DISC1: variants seen among roughly 807,000 people sequenced by gnomAD.
The protein encoded by DISC1 is DISC1 scaffold protein, also known as disrupted in schizophrenia 1 protein.
Under a neutral mutation model 84.5 loss-of-function variants are expected in DISC1, and 57 were observed. That is an observed-to-expected ratio of 0.67 (90% confidence interval 0.55 to 0.84). DISC1 has a LOEUF of 0.84. DISC1 is among the 40% of genes least tolerant of loss of function. The pLI is 0.00. For missense variants in DISC1, 1,000 were observed against 1,057.8 expected (o/e 0.95, Z 0.76); for synonymous variants, 411 against 415.2 (o/e 0.99, Z 0.12).
chr1:231,984,474 T>C (rs1027515072), intron 10 of DISC1, among the ~76,000 whole-genome samples: 5 of 152,130 alleles, frequency 3.3e-5, no homozygotes, highest in African/African-American at 1.2e-4. Context: ...CTTGATAAAA[T>C]GTTCCTCATC....
chr1:231,709,944 T>C (rs2067601792), intron 3 of DISC1, among the ~76,000 whole-genome samples: 1 of 152,170 alleles, frequency 6.6e-6, no homozygotes, highest in South Asian at 2.1e-4. Flanking sequence ...GTTTTCTGCT[T>C]CTTCTGCCCT....
intron 1 of DISC1, among the ~76,000 whole-genome samples, chr1:231,688,173 C>T (rs765954028): frequency 5.3e-5 from 8 of 152,120 alleles, no homozygotes; most frequent in Non-Finnish European, 8.8e-5. Context: ...TATGTCAGTT[C>T]TAGAACCTTC....
At chr1:231,803,944 C>G (rs1281101099) in intron 8 of DISC1, among the ~76,000 whole-genome samples, 1 of 72,836 alleles carries the variant, frequency 1.4e-5, no homozygotes, top group Non-Finnish European at 2.5e-5. Context: ...AAGACTCCGT[C>G]TCAAAAAAAA....
chr1:231,641,684 C>A (rs189263234), intron 1 of DISC1, among the ~76,000 whole-genome samples: 1 of 152,200 alleles, frequency 6.6e-6, no homozygotes, highest in Non-Finnish European at 1.5e-5. Flanking sequence ...TTTGACAGGG[C>A]GCTGATTGGT....
At position 231,826,317 on chromosome 1, in the gene DISC1, A is replaced by G. The variant is rs779490857; in HGVS notation, c.1981+7800A>G. Reference sequence around the variant, plus strand: ...TTTGATTCCTAACGTCAGTCTCTCTATCCATCCCGCAACCTCATCACCCTA... The same window carrying G: ...TTTGATTCCTAACGTCAGTCTCTCTGTCCATCCCGCAACCTCATCACCCTA... On this transcript the variant is annotated intron_variant, in intron 9 of 12. Coordinates refer to ENST00000439617, the MANE Select transcript of DISC1 (RefSeq NM_018662.3). The surrounding 1 kb of genome is among the most constrained non-coding windows in gnomAD (Gnocchi z 4.2). Among the ~76,000 whole-genome samples the G allele has an allele frequency of 9.9e-5, 15 of 152,154 alleles. No individual in the cohort carries two copies. The highest frequency in any genetic ancestry group is 2.1e-4 in the Non-Finnish European group (14 of 68,022).
chr1:231,881,951 C>T (rs150973148), intron 9 of DISC1, among the ~76,000 whole-genome samples: 362 of 152,232 alleles, frequency 2.4e-3, no homozygotes, highest in African/African-American at 8.3e-3. Flanking sequence ...ATCTGAGACG[C>T]GGGAGCATAA....
At chr1:231,721,310 A>G (rs201986541) in intron 3 of DISC1, among the ~76,000 whole-genome samples, 26 of 152,230 alleles carry the variant, frequency 1.7e-4, no homozygotes, top group Non-Finnish European at 2.9e-4. Flanking sequence ...AAAAAGAAAA[A>G]AAGTTTTTAG....
At chr1:231,642,168 C>CCGGGGCCGG (rs1180052166) in intron 1 of DISC1, among the ~76,000 whole-genome samples, 7 of 152,294 alleles carry the variant, frequency 4.6e-5, no homozygotes, top group East Asian at 3.9e-4. Flanking sequence ...CCTTCACTGC[C>CCGGGGCCGG]CGGGGCCGGC....
chr1:232,008,934 C>T lies in DISC1; in HGVS notation c.2192C>T (p.Pro731Leu). 1.9e-6 allele frequency: 3 copies of T among 1,613,644 alleles called. No homozygotes were observed. Among genetic ancestry groups the T allele is most frequent in the Non-Finnish European group, 2.5e-6 (3 of 1,179,692 alleles). The part of the protein sequence containing the change: ...QMDDLEGAAP[P>L]IPPRLHSEDK... ...GATGACTTAGAGGGAGCTGCTCCTCCTATTCCCCCCAGGCTCCACTCCGAG... is the reference window on the plus strand; with the variant it reads ...GATGACTTAGAGGGAGCTGCTCCTCTTATTCCCCCCAGGCTCCACTCCGAG... Residue 731 changes from proline (P) to leucine (L), a missense_variant, in exon 11 of 13, where the codon CCT becomes CTT. This residue lies in a region of DISC1 where 397 missense variants were observed against 377.5 expected (regional missense o/e 1.05). Coordinates refer to ENST00000439617, the MANE Select transcript of DISC1 (RefSeq NM_018662.3).
At chr1:231,946,822 A>G (rs1365180993) in intron 9 of DISC1, among the ~76,000 whole-genome samples, 1 of 152,248 alleles carries the variant, frequency 6.6e-6, no homozygotes, top group Non-Finnish European at 1.5e-5. Context: ...ACAGACAAAC[A>G]GAGACCCAAA....
intron 10 of DISC1, among the ~76,000 whole-genome samples, chr1:231,982,113 T>C (rs1179242732): frequency 6.6e-6 from 1 of 152,206 alleles, no homozygotes; most frequent in East Asian, 1.9e-4. Flanking sequence ...GATGATACTA[T>C]TAGAGAAGAG....
At chr1:231,661,046 T>G (rs1418292763) in intron 1 of DISC1, among the ~76,000 whole-genome samples, 1 of 152,222 alleles carries the variant, frequency 6.6e-6, no homozygotes, top group Admixed American at 6.5e-5. Flanking sequence ...GAAATTCTTT[T>G]CTTTAAGACT....
intron 12 of DISC1, among the ~76,000 whole-genome samples, chr1:232,029,228 A>G (rs1669768466): frequency 6.6e-6 from 1 of 152,228 alleles, no homozygotes; most frequent in Non-Finnish European, 1.5e-5. Context: ...TAAAATCTAC[A>G]CCACGATATG....
intron 9 of DISC1, chr1:231,943,958 A>T (rs996640455): frequency 6.6e-6 from 1 of 152,310 alleles, no homozygotes; most frequent in East Asian, 1.9e-4. Flanking sequence ...TCCTGACCTC[A>T]GGTAATCCAC....
chr1:231,834,122 C>G (rs2082443489), intron 9 of DISC1, among the ~76,000 whole-genome samples: 1 of 152,132 alleles, frequency 6.6e-6, no homozygotes, highest in Non-Finnish European at 1.5e-5. Context: ...ATGCCTTTAG[C>G]TCCAGCCACC....
intron 9 of DISC1, among the ~76,000 whole-genome samples, chr1:231,941,462 C>T (rs1342959001): frequency 6.7e-6 from 1 of 149,830 alleles, no homozygotes; most frequent in African/African-American, 2.5e-5. Flanking sequence ...GGGTGCTCTC[C>T]CCATGAAACT....
intron 9 of DISC1, among the ~76,000 whole-genome samples, chr1:231,831,323 A>G (rs1388764198): frequency 6.6e-6 from 1 of 152,254 alleles, no homozygotes; most frequent in East Asian, 1.9e-4. Context: ...TCTAAGAGAC[A>G]GGGTAGCAGC....
In DISC1 at chr1:231,810,369, C is replaced by A. The variant is rs143984750; in HGVS notation, c.1793-7960C>A. On this transcript the variant is annotated intron_variant, in intron 8 of 12. Transcript: ENST00000439617. ...CAGTGGCTGGGAGCATCAACTCAAT[C>A]GCTTTCTTTCTTTACTATTTTCCCT... Among the ~76,000 whole-genome samples the A allele has an allele frequency of 7.9e-5, 12 of 152,298 alleles. No homozygotes were observed. The East Asian group carries it at 2.3e-3, about 29-fold the overall frequency.
rs577250510 is a variant in DISC1 at position 231,989,937 on chromosome 1, C to T, written c.2043-18848C>T. Among the ~76,000 whole-genome samples the T allele has an allele frequency of 1.2e-3, 184 of 152,294 alleles. 1 individual carries two copies. The highest frequency in any genetic ancestry group is 4.3e-3 in the African/African-American group (180 of 41,558). On this transcript the variant is annotated intron_variant, in intron 10 of 12. Coordinates refer to ENST00000439617, the MANE Select transcript of DISC1 (RefSeq NM_018662.3). The stretch of plus-strand genomic sequence containing the variant: ...GCTTTGAACCTATGCAGTCTGGCTT[C>T]TACACTACACTTCCAGGCAGAGGGC...
Sources: allele counts gnomAD v4.1 joint callset (sites outside exome capture counted in the v4.1 genomes callset), GRCh38; gene constraint gnomAD v4.1.1; regional missense constraint gnomAD v4.1.1; non-coding constraint Gnocchi (gnomAD v3.1); transcripts MANE v1.5; gene names NCBI Gene and HGNC (gene_info 2026-07-23, HGNC 2026-07-21).